The following MRLN variants were observed in gnomAD, a reference collection of about 807,000 sequenced individuals.
MRLN encodes the protein myoregulin, also known as Linc-RNA activator of myogenesis.
chr10:59,744,494 C>A (rs1269428499), intron 1 of MRLN, among the ~76,000 whole-genome samples: 2 of 147,818 alleles, frequency 1.4e-5, no homozygotes, highest in Admixed American at 6.7e-5. Flanking sequence ...AGGTGGGGGG[C>A]AGCCCCCGCC....
intron 1 of MRLN, among the ~76,000 whole-genome samples, chr10:59,746,680 C>T (rs1485515778): frequency 2.0e-5 from 3 of 152,130 alleles, no homozygotes; most frequent in Admixed American, 6.6e-5. Context: ...CCAAATTTGC[C>T]GGAATTCACT....
intron 1 of MRLN, among the ~76,000 whole-genome samples, chr10:59,743,730 T>C (rs1375638097): frequency 1.3e-5 from 2 of 152,154 alleles, no homozygotes; most frequent in East Asian, 1.9e-4. Context: ...GGCTGGACTG[T>C]ACTGCTGCCA....
chr10:59,743,247 T>C (rs1366865676), intron 1 of MRLN, among the ~76,000 whole-genome samples: 1 of 143,400 alleles, frequency 7.0e-6, no homozygotes, highest in African/African-American at 2.5e-5. Context: ...TTTCTCACAT[T>C]CATTCATTTA....
At chr10:59,753,217 T>G (rs1232616064) in intron 1 of MRLN, 137 bp downstream of exon 1, 3 of 152,226 alleles carry the variant, frequency 2.0e-5, no homozygotes, top group Admixed American at 1.3e-4. Flanking sequence ...TGAGTCTAAG[T>G]GAATTTTAGC....
intron 1 of MRLN, among the ~76,000 whole-genome samples, chr10:59,750,513 C>T (rs1343912406): frequency 6.6e-6 from 1 of 152,218 alleles, no homozygotes; most frequent in East Asian, 1.9e-4. Flanking sequence ...ACTTCTTAAT[C>T]CTCCACTATC....
intron 1 of MRLN, among the ~76,000 whole-genome samples, chr10:59,747,962 T>C (rs1472140140): frequency 1.3e-5 from 2 of 152,242 alleles, no homozygotes; most frequent in Non-Finnish European, 2.9e-5. Context: ...ATCCCAAAGT[T>C]GGGTGCTTGC....
chr10:59,741,549 A>AT (rs1415837918), intron 1 of MRLN, among the ~76,000 whole-genome samples: 2 of 151,922 alleles, frequency 1.3e-5, no homozygotes, highest in African/African-American at 2.4e-5. Context: ...TGCCTAGCTA[A>AT]TTTTTTGTAT....
chr10:59,743,227 G>T (rs1308611962), intron 1 of MRLN, among the ~76,000 whole-genome samples: 1 of 111,050 alleles, frequency 9.0e-6, no homozygotes, highest in Non-Finnish European at 1.7e-5. Flanking sequence ...ACCACACCTT[G>T]CTGTTTCCAT....
At chr10:59,743,821 C>T (rs1331076592) in intron 1 of MRLN, among the ~76,000 whole-genome samples, 6 of 152,190 alleles carry the variant, frequency 3.9e-5, no homozygotes, top group African/African-American at 1.2e-4. Context: ...CGCGCCGCCA[C>T]GCCTGACTGG....
At chr10:59,746,321 T>C (rs977073174) in intron 1 of MRLN, among the ~76,000 whole-genome samples, 1 of 152,180 alleles carries the variant, frequency 6.6e-6, no homozygotes, top group Non-Finnish European at 1.5e-5. Context: ...GTAAATAATA[T>C]TATAATAACC....
intron 1 of MRLN, among the ~76,000 whole-genome samples, chr10:59,747,824 G>A (rs1841057880): frequency 5.3e-5 from 8 of 152,178 alleles, no homozygotes; most frequent in Admixed American, 5.2e-4. Context: ...AAAAAATACT[G>A]ACTTGACTAT....
At chr10:59,737,357 C>G (rs1840935809) in intron 2 of MRLN, 137 bp from the exon 3 acceptor site, 1 of 363,120 alleles carries the variant, frequency 2.8e-6, no homozygotes, top group Non-Finnish European at 4.9e-6. Context: ...CTATTTGTAA[C>G]CAATCAATGA....
rs1840932606 is a variant in MRLN, at chr10:59,737,088, G to T, written c.113C>A (p.Ser38Tyr). 7.5e-6 allele frequency: 3 copies of T among 397,404 alleles called. No individual in the cohort carries two copies. The highest frequency in any genetic ancestry group is 1.3e-5 in the Non-Finnish European group (3 of 225,174). The allele number at this position is 397,404 out of a possible 1,614,324, so 24.6% of individuals were successfully genotyped here. Residue 38 changes from serine (S) to tyrosine (Y), a missense_variant, in exon 3 of 3, where the codon TCT becomes TAT. Ser to Tyr is a moderately radical substitution (Grantham distance 144, BLOSUM62 -2). Coordinates refer to ENST00000414264, the MANE Select transcript of MRLN (RefSeq NM_001304731.2). ...AGAAGTTATCACAACATATATAATA[G>T]AAATTAAGTCAACAAAGATAACAAA... Reference protein sequence around the residue: ...ILFVIFVDLISIIYVVITS With the variant: ...ILFVIFVDLIYIIYVVITS
chr10:59,740,167 A>C (rs1840966689), intron 1 of MRLN, among the ~76,000 whole-genome samples: 1 of 151,426 alleles, frequency 6.6e-6, no homozygotes, highest in Non-Finnish European at 1.5e-5. Flanking sequence ...ATAATGTCAT[A>C]GCACAATGCA....
intron 2 of MRLN, among the ~76,000 whole-genome samples, chr10:59,737,777 C>A (rs1450519144): frequency 3.3e-5 from 5 of 151,610 alleles, no homozygotes; most frequent in Admixed American, 3.3e-4. Flanking sequence ...GTTTTAAAAA[C>A]TACCTGGAAT....
At chr10:59,740,298 G>GTC (rs55765001) in intron 1 of MRLN, among the ~76,000 whole-genome samples, 6 of 151,654 alleles carry the variant, frequency 4.0e-5, no homozygotes, top group Non-Finnish European at 1.5e-5. Flanking sequence ...AAAAATGACT[G>GTC]TTAATAGTTG....
At chr10:59,742,424 G>C (rs1589016589) in intron 1 of MRLN, among the ~76,000 whole-genome samples, 1 of 152,308 alleles carries the variant, frequency 6.6e-6, no homozygotes, top group East Asian at 1.9e-4. Context: ...GCATGGTTTA[G>C]GGGTATATAT....
intron 1 of MRLN, among the ~76,000 whole-genome samples, chr10:59,750,563 T>C (rs1379001696): frequency 6.6e-6 from 1 of 152,248 alleles, no homozygotes; most frequent in East Asian, 1.9e-4. Flanking sequence ...GCCATATTCT[T>C]GCCCTAAACA....
chr10:59,740,776 T>TTTTCTTTC (rs145234174), intron 1 of MRLN, among the ~76,000 whole-genome samples: 1,488 of 141,644 alleles, frequency 0.011, 25 homozygotes, highest in African/African-American at 0.033. Flanking sequence ...TTTTTCTTTG[T>TTTTCTTTC]TTTCTTTCTT....
Sources: gnomAD v4.1 joint callset for allele counts (sites outside exome capture counted in the v4.1 genomes callset) on GRCh38, gnomAD v4.1.1 for gene constraint, MANE v1.5 for transcripts, NCBI Gene and HGNC (gene_info 2026-07-23, HGNC 2026-07-21) for gene names.